Variants in NEGR1 observed in about 807,000 individuals in gnomAD.
NEGR1 encodes neuronal growth regulator 1.
A neutral mutation model predicts 40.9 loss-of-function variants in NEGR1; 10 were observed. The observed-to-expected ratio is 0.24, with a 90% CI of 0.15 to 0.42. The LOEUF (loss-of-function observed/expected upper bound fraction) is 0.42, where lower values mean the gene tolerates loss of function less well. NEGR1 is among the 10% of genes least tolerant of loss of function. The pLI is 1.00. For missense variants in NEGR1, 352 were observed against 438.9 expected (o/e 0.80, Z 1.77); for synonymous variants, 185 against 166.8 (o/e 1.11, Z -0.84).
intron 6 of NEGR1, among the ~76,000 whole-genome samples, chr1:71,440,212 T>C (rs1646537657): frequency 6.6e-6 from 1 of 152,186 alleles, no homozygotes; most frequent in Non-Finnish European, 1.5e-5. Context: ...TCAGTACATT[T>C]TGTTAGTGAT....
chr1:71,792,286 T>C (rs1211389177), intron 2 of NEGR1, among the ~76,000 whole-genome samples: 6 of 152,180 alleles, frequency 3.9e-5, no homozygotes, highest in Admixed American at 3.9e-4. Context: ...ATGATATGAA[T>C]ATCCTATCAA....
chr1:71,729,939 A>C (rs1229930304), intron 3 of NEGR1, among the ~76,000 whole-genome samples: 10 of 151,590 alleles, frequency 6.6e-5, no homozygotes, highest in African/African-American at 2.2e-4. Context: ...ATTGAGAGAC[A>C]ATAACTTATG....
At chr1:72,080,743 G>C (rs1309683810) in intron 1 of NEGR1, among the ~76,000 whole-genome samples, 2 of 152,030 alleles carry the variant, frequency 1.3e-5, no homozygotes, top group South Asian at 2.1e-4. Flanking sequence ...CACCTCATAG[G>C]GTTGTTGGAA....
At chr1:72,096,805 C>T (rs1237213824) in intron 1 of NEGR1, among the ~76,000 whole-genome samples, 3 of 151,990 alleles carry the variant, frequency 2.0e-5, no homozygotes, top group Non-Finnish European at 4.4e-5. Context: ...GGACTGCTGG[C>T]GCCCGCCACA....
intron 1 of NEGR1, among the ~76,000 whole-genome samples, chr1:72,233,450 C>T (rs542119498): frequency 1.2e-4 from 19 of 152,068 alleles, no homozygotes; most frequent in Admixed American, 4.6e-4. Context: ...CCTTCTCTCC[C>T]TCCATCCTTC....
intron 2 of NEGR1, among the ~76,000 whole-genome samples, chr1:71,929,486 G>A (rs1645834272): frequency 6.6e-6 from 1 of 152,020 alleles, no homozygotes; most frequent in African/African-American, 2.4e-5. Context: ...TCCTCCACAG[G>A]TAAAAATAGA....
intron 3 of NEGR1, among the ~76,000 whole-genome samples, chr1:71,744,680 AC>A (rs1557636229): frequency 1.3e-5 from 2 of 152,164 alleles, no homozygotes; most frequent in Non-Finnish European, 2.9e-5. Flanking sequence ...CCATCTGAGA[AC>A]AAGTCAAATT....
chr1:71,737,514 A>G (rs959798370), intron 3 of NEGR1, among the ~76,000 whole-genome samples: 1 of 152,178 alleles, frequency 6.6e-6, no homozygotes, highest in African/African-American at 2.4e-5. Context: ...CAAGTTGGTC[A>G]TTTATCTTGC....
chr1:71,592,354 T>A (rs1166194881), intron 6 of NEGR1, among the ~76,000 whole-genome samples: 1 of 152,166 alleles, frequency 6.6e-6, no homozygotes, highest in Admixed American at 6.6e-5. Context: ...ATTTTGTCCA[T>A]GATCATTTAC....
intron 1 of NEGR1, among the ~76,000 whole-genome samples, chr1:71,976,825 CAG>C (rs898706169): frequency 3.9e-5 from 6 of 151,938 alleles, no homozygotes; most frequent in African/African-American, 7.3e-5. Context: ...AAGAAAAAAA[CAG>C]TGTATTTTTA....
At chr1:71,474,727 A>C (rs1379467438) in intron 6 of NEGR1, among the ~76,000 whole-genome samples, 1 of 150,856 alleles carries the variant, frequency 6.6e-6, no homozygotes, top group Non-Finnish European at 1.5e-5. Flanking sequence ...CAAAAAAAAA[A>C]AAAAAAAAAA....
At chr1:71,880,553 A>AT (rs1319577313) in intron 2 of NEGR1, among the ~76,000 whole-genome samples, 10 of 151,828 alleles carry the variant, frequency 6.6e-5, no homozygotes, top group African/African-American at 2.2e-4. Context: ...GGAAACATTT[A>AT]TTTTTTTTAA....
At chr1:71,799,207 CT>C (rs1657457392) in intron 2 of NEGR1, among the ~76,000 whole-genome samples, 2 of 152,074 alleles carry the variant, frequency 1.3e-5, no homozygotes, top group African/African-American at 4.8e-5. Flanking sequence ...ACTCCACCCC[CT>C]GACAGGCCCC....
chr1:71,632,061 A>C (rs1650986913), intron 4 of NEGR1, among the ~76,000 whole-genome samples: 1 of 151,756 alleles, frequency 6.6e-6, no homozygotes, highest in South Asian at 2.1e-4. Context: ...ATAAAAAATG[A>C]GTACAAGGAA....
chr1:71,887,014 C>T (rs1311262454), intron 2 of NEGR1, among the ~76,000 whole-genome samples: 5 of 152,288 alleles, frequency 3.3e-5, no homozygotes, highest in Non-Finnish European at 5.9e-5. Flanking sequence ...CTATTAATAG[C>T]CTACTGCTGA....
At chr1:71,819,737 T>TA (rs1261573918) in intron 2 of NEGR1, among the ~76,000 whole-genome samples, 8 of 151,886 alleles carry the variant, frequency 5.3e-5, no homozygotes, top group Admixed American at 3.9e-4. Flanking sequence ...AAAGGGGGGA[T>TA]AAAAAAGAAA....
intron 6 of NEGR1, among the ~76,000 whole-genome samples, chr1:71,523,710 T>G (rs775227970): frequency 6.6e-6 from 1 of 151,912 alleles, no homozygotes; most frequent in Non-Finnish European, 1.5e-5. Context: ...AGCCTGTTTC[T>G]AATTTCCATC....
At chr1:71,604,380 CA>C (rs1250358029) in intron 5 of NEGR1, among the ~76,000 whole-genome samples, 1 of 152,018 alleles carries the variant, frequency 6.6e-6, no homozygotes, top group African/African-American at 2.4e-5. Flanking sequence ...TTCCTACATA[CA>C]AAAAAATTTT....
intron 5 of NEGR1, among the ~76,000 whole-genome samples, chr1:71,595,474 T>C (rs1240504971): frequency 3.3e-5 from 5 of 152,206 alleles, no homozygotes. Flanking sequence ...GCTGACTTTG[T>C]GGGAGAGTGA....
Sources: allele counts gnomAD v4.1 joint callset (sites outside exome capture counted in the v4.1 genomes callset), GRCh38; gene constraint gnomAD v4.1.1; transcripts MANE v1.5; gene names NCBI Gene and HGNC (gene_info 2026-07-23, HGNC 2026-07-21).